Variants in KANSL1 observed in about 807,000 individuals in gnomAD.
KANSL1 encodes the protein MLL1/MLL complex subunit KANSL1.
A neutral mutation model predicts 103.6 loss-of-function variants in KANSL1; 22 were observed. That is an observed-to-expected ratio of 0.21 (90% CI 0.15 to 0.30). KANSL1 has a LOEUF of 0.30. Among genes scored for constraint, KANSL1 ranks in the 10% least tolerant of loss-of-function variants. KANSL1 has a pLI of 1.00. For synonymous variants in KANSL1, 600 were observed against 527.6 expected, an observed-to-expected ratio of 1.14 and a Z score of -1.88; for missense variants, 1,337 against 1,399.8, an observed-to-expected ratio of 0.96 and a Z score of 0.72.
intron 1 of KANSL1, among the ~76,000 whole-genome samples, chr17:46,176,691 TAAAA>T (rs56676109): frequency 7.1e-6 from 1 of 141,666 alleles, no homozygotes; most frequent in Non-Finnish European, 1.5e-5. Flanking sequence ...GACTCCATCT[TAAAA>T]AAAAAAAAAA....
intron 2 of KANSL1, among the ~76,000 whole-genome samples, chr17:46,096,230 T>C (rs1275362934): frequency 1.3e-5 from 2 of 149,848 alleles, no homozygotes; most frequent in African/African-American, 2.5e-5. Context: ...TAACCTAGAG[T>C]TCCTTTGCTT....
At chr17:46,118,635 C>T (rs973263699) in intron 2 of KANSL1, among the ~76,000 whole-genome samples, 18 of 152,156 alleles carry the variant, frequency 1.2e-4, no homozygotes, top group Non-Finnish European at 2.4e-4. Flanking sequence ...GTCTAGAGAC[C>T]ACATTTTGAT....
rs1218918976 is a variant in KANSL1, at chr17:46,147,345, G to A, written c.1289+23510C>T. The stretch of plus-strand genomic sequence containing the variant: ...ACCCAGCACTTTGGAAGGCCAAGGT[G>A]GGTGGATCACTTGAGTTCAGGAGTT... On this transcript the variant is annotated intron_variant, in intron 2 of 14. Transcript: ENST00000432791. 3.3e-5 allele frequency among the ~76,000 whole-genome samples: 5 copies of A among 152,310 alleles called. No homozygotes were observed. The East Asian group carries it at 7.7e-4, about 24-fold the overall frequency.
At chr17:46,134,902 T>C (rs2044048961) in intron 2 of KANSL1, among the ~76,000 whole-genome samples, 1 of 152,072 alleles carries the variant, frequency 6.6e-6, no homozygotes, top group South Asian at 2.1e-4. Flanking sequence ...GAGGAGGATG[T>C]TGAGAACTAA....
At chr17:46,034,137 G>A in intron 11 of KANSL1, 24 bp downstream of exon 11, 10 of 1,612,260 alleles carry the variant, frequency 6.2e-6, no homozygotes, top group Non-Finnish European at 8.5e-6. Flanking sequence ...ATGGGGAGAG[G>A]AGCCAACTAT....
intron 6 of KANSL1, among the ~76,000 whole-genome samples, chr17:46,064,072 C>A (rs138874796): frequency 0.02 from 2,496 of 123,926 alleles, 23 homozygotes; most frequent in African/African-American, 0.047. Context: ...AAAAAAAAAA[C>A]AAAAAAAAAC....
chr17:46,112,724 A>ATT (rs1555552257), intron 2 of KANSL1, among the ~76,000 whole-genome samples: 7 of 145,866 alleles, frequency 4.8e-5, no homozygotes, highest in African/African-American at 1.5e-4. Context: ...GGGCAGATAA[A>ATT]TTTTTTTTTT....
chr17:46,045,123 TCGTATGC>T (rs2077457403), intron 7 of KANSL1: 1 of 152,142 alleles, frequency 6.6e-6, no homozygotes, highest in Non-Finnish European at 1.5e-5. Flanking sequence ...ACCTACACAG[TCGTATGC>T]CAAGCTGCTA....
chr17:46,050,952 A>G (rs1253038424), intron 6 of KANSL1, among the ~76,000 whole-genome samples: 1 of 152,220 alleles, frequency 6.6e-6, no homozygotes, highest in Non-Finnish European at 1.5e-5. Context: ...AAATCTAACT[A>G]CTTGAAGCTC....
intron 2 of KANSL1, among the ~76,000 whole-genome samples, chr17:46,140,539 A>C (rs113501436): frequency 5.3e-5 from 8 of 152,066 alleles, no homozygotes; most frequent in Non-Finnish European, 7.4e-5. Context: ...CAAAAAAAAA[A>C]CATAAATTGG....
intron 2 of KANSL1, among the ~76,000 whole-genome samples, chr17:46,119,258 A>G (rs536038819): frequency 2.2e-4 from 33 of 152,180 alleles, no homozygotes; most frequent in Non-Finnish European, 4.3e-4. Flanking sequence ...TCAGAGAAGC[A>G]AGCACAGGTA....
intron 1 of KANSL1, among the ~76,000 whole-genome samples, chr17:46,191,338 A>T (rs913313225): frequency 6.6e-6 from 1 of 152,250 alleles, no homozygotes; most frequent in Admixed American, 6.5e-5. Context: ...TTAACTGACA[A>T]CGCCTGTAGA....
chr17:46,123,081 G>T (rs1420242183), intron 2 of KANSL1, among the ~76,000 whole-genome samples: 2 of 152,202 alleles, frequency 1.3e-5, no homozygotes, highest in African/African-American at 2.4e-5. Context: ...TGAAAGAAAA[G>T]AATTTTTTTT....
At chr17:46,196,272 T>C, upstream of KANSL1, 1 of 446,992 alleles carries the variant, frequency 2.2e-6, no homozygotes. Context: ...AACACCAACA[T>C]ATTTCAAATC....
chr17:46,081,367 A>C (rs1004901509), intron 4 of KANSL1, among the ~76,000 whole-genome samples: 2 of 152,198 alleles, frequency 1.3e-5, no homozygotes, highest in African/African-American at 4.8e-5. Context: ...CATTCACTAA[A>C]AGTTTCATTA....
intron 2 of KANSL1, among the ~76,000 whole-genome samples, chr17:46,162,669 A>G (rs1233364132): frequency 2.0e-5 from 3 of 152,264 alleles, no homozygotes; most frequent in African/African-American, 4.8e-5. Flanking sequence ...TCCACCATTC[A>G]GCTAACTGGT....
intron 2 of KANSL1, among the ~76,000 whole-genome samples, chr17:46,122,888 C>CAAT (rs1567699942): frequency 2.0e-5 from 3 of 152,212 alleles, no homozygotes; most frequent in African/African-American, 7.2e-5. Flanking sequence ...CACTGAATGG[C>CAAT]CATTCCCCTG....
At chr17:46,096,311 C>CGTTTTTTTTTTTTTTTTTTTTTT (rs2042065898) in intron 2 of KANSL1, among the ~76,000 whole-genome samples, 1 of 76,408 alleles carries the variant, frequency 1.3e-5, no homozygotes, top group East Asian at 4.8e-4. Context: ...GCTTTTTTTT[C>CGTTTTTTTTTTTTTTTTTTTTTT]TTTTTTTTTT....
At chr17:46,220,320 C>A (rs2048488767) in intron 1 of KANSL1, among the ~76,000 whole-genome samples, 2 of 151,778 alleles carry the variant, frequency 1.3e-5, no homozygotes, top group African/African-American at 4.8e-5. Flanking sequence ...GGGTTCACGC[C>A]ATTCTCCTGC....
Sources: allele counts gnomAD v4.1 joint callset (sites outside exome capture counted in the v4.1 genomes callset), GRCh38; gene constraint gnomAD v4.1.1; transcripts MANE v1.5; gene names NCBI Gene and HGNC (gene_info 2026-07-23, HGNC 2026-07-21).